MACROD2: variants seen among roughly 807,000 people sequenced by gnomAD.
MACROD2 encodes the protein ADP-ribose glycohydrolase MACROD2.
Under a neutral mutation model 70.4 loss-of-function variants are expected in MACROD2, and 36 were observed. That is an observed-to-expected ratio of 0.51 (90% confidence interval 0.39 to 0.68). The LOEUF is 0.68. Among genes scored for constraint, MACROD2 ranks in the 30% least tolerant of loss-of-function variants. MACROD2 has a pLI of 0.00. For missense variants in MACROD2, 496 were observed against 538.4 expected (o/e 0.92, Z 0.78); for synonymous variants, 172 against 178.8 (o/e 0.96, Z 0.30).
intron 2 of MACROD2, among the ~76,000 whole-genome samples, chr20:14,056,901 T>C (rs2053636475): frequency 6.6e-6 from 1 of 152,000 alleles, no homozygotes; most frequent in African/African-American, 2.4e-5. Context: ...TACTGTTGTG[T>C]GTTTGTCATT....
At chr20:15,619,520 A>G in intron 8 of MACROD2, 1 of 368,732 alleles carries the variant, frequency 2.7e-6, no homozygotes. Flanking sequence ...GTGATGAGTG[A>G]GGATTTTCTG....
At position 14,910,286 on chromosome 20, in the gene MACROD2, A is replaced by G. The variant is rs531497441; in HGVS notation, c.418+225327A>G. 5.3e-4 allele frequency among the ~76,000 whole-genome samples: 81 copies of G among 152,318 alleles called. 1 individual carries two copies. The South Asian group carries it at 1.0e-2, about 19-fold the overall frequency. ...CACATTAATATAGAGCCCAGACTGT[A>G]GGGAGAATTGGAGACTTGAAGTGGG... On this transcript the variant is annotated intron_variant, in intron 5 of 17. Transcript: ENST00000684519.
chr20:14,224,260 T>A (rs2081711395), intron 3 of MACROD2, among the ~76,000 whole-genome samples: 1 of 152,204 alleles, frequency 6.6e-6, no homozygotes, highest in African/African-American at 2.4e-5. Context: ...GATTCAATCT[T>A]ATATAGTATC....
At chr20:14,186,584 T>C (rs549748142) in intron 3 of MACROD2, among the ~76,000 whole-genome samples, 2 of 152,234 alleles carry the variant, frequency 1.3e-5, no homozygotes, top group African/African-American at 4.8e-5. Flanking sequence ...GACCCAGCAA[T>C]CCCATTACTG....
rs1169295963 is a variant in MACROD2 at position 14,276,200 on chromosome 20, T to C, written c.271+190472T>C. On this transcript the variant is annotated intron_variant, in intron 3 of 17. Transcript: ENST00000684519. Reference sequence around the variant, plus strand: ...CGCGTATGTTTATTGCAGCACTATTTGCAATAGCAAAGACTTGGAACCAAC... The same window carrying C: ...CGCGTATGTTTATTGCAGCACTATTCGCAATAGCAAAGACTTGGAACCAAC... Among the ~76,000 whole-genome samples, 16 of 152,102 alleles carry C rather than the reference T, an allele frequency of 1.1e-4. No homozygotes were observed. The South Asian group carries it at 2.3e-3, about 22-fold the overall frequency.
chr20:15,392,413 T>C (rs567091727), intron 6 of MACROD2, among the ~76,000 whole-genome samples: 80 of 152,240 alleles, frequency 5.3e-4, no homozygotes, highest in African/African-American at 1.7e-3. Flanking sequence ...ATGTGATTTA[T>C]TATTTTAATT....
intron 15 of MACROD2, among the ~76,000 whole-genome samples, chr20:16,024,614 T>G (rs777524417): frequency 6.6e-6 from 1 of 152,306 alleles, no homozygotes; most frequent in South Asian, 2.1e-4. Flanking sequence ...GCCTTCTTTC[T>G]TTCTCTCAGG....
intron 3 of MACROD2, among the ~76,000 whole-genome samples, chr20:14,205,858 T>C (rs1320453808): frequency 1.3e-5 from 2 of 152,168 alleles, no homozygotes; most frequent in Non-Finnish European, 2.9e-5. Flanking sequence ...TTGGATCCAA[T>C]AGTTAAATAG....
intron 5 of MACROD2, among the ~76,000 whole-genome samples, chr20:14,685,342 T>C (rs2123597728): frequency 6.6e-6 from 1 of 152,196 alleles, no homozygotes; most frequent in African/African-American, 2.4e-5. Flanking sequence ...GGTTTCTTGA[T>C]TGTGGATGTG....
At chr20:15,797,633 A>C (rs948194404) in intron 8 of MACROD2, among the ~76,000 whole-genome samples, 3 of 152,228 alleles carry the variant, frequency 2.0e-5, no homozygotes, top group Admixed American at 6.5e-5. Context: ...CTACAAGGGA[A>C]GCTGGAAAAG....
At chr20:15,985,147 T>C (rs2147464219) in intron 13 of MACROD2, among the ~76,000 whole-genome samples, 1 of 152,318 alleles carries the variant, frequency 6.6e-6, no homozygotes, top group Non-Finnish European at 1.5e-5. Flanking sequence ...AAATTCTTTC[T>C]TGAAATTTTT....
chr20:15,334,929 C>G (rs1300970839), intron 6 of MACROD2, among the ~76,000 whole-genome samples: 1 of 151,724 alleles, frequency 6.6e-6, no homozygotes, highest in Non-Finnish European at 1.5e-5. Context: ...TCGCTCATAA[C>G]GTGAAGTTCA....
chr20:14,316,353 C>A (rs2082611635), intron 3 of MACROD2, among the ~76,000 whole-genome samples: 1 of 152,270 alleles, frequency 6.6e-6, no homozygotes, highest in African/African-American at 2.4e-5. Flanking sequence ...GAGATTTAAT[C>A]CTGAAAATGC....
intron 5 of MACROD2, among the ~76,000 whole-genome samples, chr20:14,830,189 G>A (rs544349136): frequency 3.9e-5 from 6 of 152,134 alleles, no homozygotes; most frequent in East Asian, 1.9e-4. Flanking sequence ...AGGGCACTAC[G>A]GTTCATTAAG....
At chr20:14,812,122 G>A (rs1227209864) in intron 5 of MACROD2, among the ~76,000 whole-genome samples, 2 of 152,046 alleles carry the variant, frequency 1.3e-5, no homozygotes, top group Non-Finnish European at 2.9e-5. Flanking sequence ...AAAGACACAT[G>A]CACACATATG....
At chr20:14,261,488 TAAG>T (rs1200815830) in intron 3 of MACROD2, among the ~76,000 whole-genome samples, 1 of 152,140 alleles carries the variant, frequency 6.6e-6, no homozygotes, top group Non-Finnish European at 1.5e-5. Context: ...AGGTGAAAAA[TAAG>T]AATAATATAT....
chr20:15,740,844 A>C lies in MACROD2; in HGVS notation c.646-121901A>C, dbSNP rs145126131. On this transcript the variant is annotated intron_variant, in intron 8 of 17. Coordinates refer to ENST00000684519, the MANE Select transcript of MACROD2 (RefSeq NM_001351661.2). ...TTAATCAGGGAATCCCGTTAGCTCA[A>C]CCTTCAAATTGTATTCATAATGTGA... 2.8e-3 allele frequency among the ~76,000 whole-genome samples: 419 copies of C among 152,006 alleles called. 5 individuals carry two copies. The highest frequency in any genetic ancestry group is 4.7e-3 in the Admixed American group (72 of 15,264).
At chr20:14,380,330 T>A in intron 3 of MACROD2, among the ~76,000 whole-genome samples, 1 of 152,094 alleles carries the variant, frequency 6.6e-6, no homozygotes, top group East Asian at 1.9e-4. Flanking sequence ...ATGTGATATA[T>A]GATTTGTAAA....
At chr20:15,894,171 A>T (rs1410430892) in intron 10 of MACROD2, among the ~76,000 whole-genome samples, 1 of 152,216 alleles carries the variant, frequency 6.6e-6, no homozygotes, top group Non-Finnish European at 1.5e-5. Context: ...AGCTGCTCAC[A>T]TGCAGGACTG....
Sources: gnomAD v4.1 joint callset for allele counts (sites outside exome capture counted in the v4.1 genomes callset) on GRCh38, gnomAD v4.1.1 for gene constraint, MANE v1.5 for transcripts, NCBI Gene and HGNC (gene_info 2026-07-23, HGNC 2026-07-21) for gene names.